Variants in SPATC1 observed in about 807,000 individuals in gnomAD.
SPATC1 encodes speriolin.
A neutral mutation model predicts 36.5 loss-of-function variants in SPATC1; 35 were observed. That is an observed-to-expected ratio of 0.96 (90% CI 0.73 to 1.27). SPATC1 has a LOEUF of 1.27. Among genes scored for constraint, SPATC1 ranks in the 50% most tolerant of loss-of-function variants. SPATC1 has a pLI of 0.00. For synonymous variants in SPATC1, 361 were observed against 353.6 expected, an observed-to-expected ratio of 1.02 and a Z score of -0.24; for missense variants, 779 against 796.0, an observed-to-expected ratio of 0.98 and a Z score of 0.26.
At chr8:144,044,926 G>A (rs1330468374) in intron 4 of SPATC1, among the ~76,000 whole-genome samples, 1 of 152,200 alleles carries the variant, frequency 6.6e-6, no homozygotes, top group Non-Finnish European at 1.5e-5. Context: ...TCCACCCTGG[G>A]CAACACAGCG....
chr8:144,014,705 G>C (rs1834348074), intron 1 of SPATC1, among the ~76,000 whole-genome samples: 1 of 152,200 alleles, frequency 6.6e-6, no homozygotes, highest in Non-Finnish European at 1.5e-5. Context: ...AAGGGGAAAG[G>C]AGCGTGCCAC....
At chr8:144,033,066 A>C (rs1468080500) in intron 1 of SPATC1, among the ~76,000 whole-genome samples, 1 of 131,018 alleles carries the variant, frequency 7.6e-6, no homozygotes, top group African/African-American at 3.4e-5. Flanking sequence ...GTTTTCAACA[A>C]ACAGCAAAAA....
At chr8:144,039,002 C>G (rs1554755245) in intron 1 of SPATC1, among the ~76,000 whole-genome samples, 1 of 152,206 alleles carries the variant, frequency 6.6e-6, no homozygotes, top group African/African-American at 2.4e-5. Context: ...CAACACGCAG[C>G]TCCTCAATAG....
At chr8:144,032,798 G>T (rs1281275317) in intron 1 of SPATC1, among the ~76,000 whole-genome samples, 1 of 152,054 alleles carries the variant, frequency 6.6e-6, no homozygotes. Flanking sequence ...AAGGCAGACC[G>T]CCAACCTTAT....
At chr8:144,023,034 C>CAGG (rs1587496502) in intron 1 of SPATC1, among the ~76,000 whole-genome samples, 25,751 of 125,986 alleles carry the variant, frequency 0.2, 2,849 homozygotes, top group South Asian at 0.37. Context: ...TGAGGAACCT[C>CAGG]GTCCCTCAGG....
chr8:144,022,786 C>T (rs1834565715), intron 1 of SPATC1, among the ~76,000 whole-genome samples: 1 of 145,320 alleles, frequency 6.9e-6, no homozygotes. Context: ...TCCCTGAGGA[C>T]CCACTTCTCT....
At chr8:144,015,226 T>C (rs1482188417) in intron 1 of SPATC1, among the ~76,000 whole-genome samples, 1 of 150,292 alleles carries the variant, frequency 6.7e-6, no homozygotes, top group Non-Finnish European at 1.5e-5. Flanking sequence ...TTTTGGTGTA[T>C]TTTTAGTAGA....
intron 1 of SPATC1, among the ~76,000 whole-genome samples, chr8:144,039,316 G>T (rs1834996516): frequency 6.6e-6 from 1 of 152,232 alleles, no homozygotes; most frequent in Admixed American, 6.5e-5. Context: ...GGACCAGGGT[G>T]TGTGACCAGC....
chr8:144,029,519 A>G (rs1354954875), intron 1 of SPATC1, among the ~76,000 whole-genome samples: 1 of 152,144 alleles, frequency 6.6e-6, no homozygotes, highest in Non-Finnish European at 1.5e-5. Flanking sequence ...GTGAGGCGAG[A>G]GCGCACCACT....
intron 1 of SPATC1, 164 bp downstream of exon 1, chr8:144,012,890 TGGA>T: frequency 1.3e-6 from 1 of 756,538 alleles, no homozygotes; most frequent in Non-Finnish European, 2.1e-6. Context: ...CTTCCTGTCC[TGGA>T]GGAGGCTGCA....
chr8:144,027,294 G>A (rs1449498584), intron 1 of SPATC1, among the ~76,000 whole-genome samples: 2 of 152,014 alleles, frequency 1.3e-5, no homozygotes, highest in African/African-American at 4.8e-5. Context: ...TTTTAAATTG[G>A]GCTGTCTTCT....
chr8:144,029,518 G>C (rs1834753920), intron 1 of SPATC1, among the ~76,000 whole-genome samples: 1 of 152,200 alleles, frequency 6.6e-6, no homozygotes, highest in African/African-American at 2.4e-5. Flanking sequence ...AGTGAGGCGA[G>C]AGCGCACCAC....
At chr8:144,041,136 T>G in intron 3 of SPATC1, 29 bp downstream of exon 3, 1 of 1,581,364 alleles carries the variant, frequency 6.3e-7, no homozygotes, top group Non-Finnish European at 8.6e-7. Flanking sequence ...TCCACGCGGG[T>G]CGGGCCCCCA....
Position 144,016,064 on chromosome 8 carries a change from CAAAAAAAAA to C in SPATC1, c.211+3344_211+3352del, listed in dbSNP as rs574460237. Among the ~76,000 whole-genome samples, 32 of 78,444 alleles carry C rather than the reference CAAAAAAAAA, an allele frequency of 4.1e-4. No individual in the cohort carries two copies. The highest frequency in any genetic ancestry group is 5.0e-4 in the Non-Finnish European group (18 of 36,142). The allele number at this position is 78,444 out of a possible 152,430, so 51.5% of individuals were successfully genotyped here. On this transcript the variant is annotated intron_variant, in intron 1 of 4. Coordinates refer to ENST00000377470, the MANE Select transcript of SPATC1 (RefSeq NM_198572.3). This position sits in a 1 kb window ranked among gnomAD's most constrained non-coding sequence, Gnocchi z 4.5. ...GCTGGAGACTTTTGAGACTCTGTCT[CAAAAAAAAA>C]AAAAAGAAAAAAGAAAGAAAGAAAG... is the stretch of plus-strand genomic sequence containing the variant.
chr8:144,033,071 CAAA>C (rs1305550907), intron 1 of SPATC1, among the ~76,000 whole-genome samples: 12 of 128,390 alleles, frequency 9.3e-5, no homozygotes, highest in Admixed American at 1.7e-4. Context: ...CAACAAACAG[CAAA>C]AAAAAAAAAA....
At position 144,045,277 on chromosome 8, in the gene SPATC1, C is replaced by T. The variant is rs1554756618; in HGVS notation, c.1447-1350C>T. 6.6e-6 allele frequency among the ~76,000 whole-genome samples: 1 copy of T among 152,246 alleles called. No individual in the cohort carries two copies. The highest frequency in any genetic ancestry group is 2.4e-5 in the African/African-American group (1 of 41,460). On this transcript the variant is annotated intron_variant, in intron 4 of 4. Coordinates refer to ENST00000377470, the MANE Select transcript of SPATC1 (RefSeq NM_198572.3). This position sits in a 1 kb window ranked among gnomAD's most constrained non-coding sequence, Gnocchi z 5.2. ...AGAAGGCTCAGGAGCCAAGAACCTC[C>T]AGCTGGGGAGAGACAGGCGCATCCC...
intron 4 of SPATC1, among the ~76,000 whole-genome samples, chr8:144,042,673 C>T (rs1835148476): frequency 6.6e-6 from 1 of 152,002 alleles, no homozygotes; most frequent in Non-Finnish European, 1.5e-5. Context: ...TGTCTTGAAA[C>T]CAAGTTTAGA....
At chr8:144,037,805 A>C (rs1834946719) in intron 1 of SPATC1, among the ~76,000 whole-genome samples, 1 of 151,848 alleles carries the variant, frequency 6.6e-6, no homozygotes. Flanking sequence ...ATGATCAATA[A>C]AAATAAATAG....
In SPATC1 at chr8:144,042,284, A is replaced by AATATAT. The variant is rs1554756220; in HGVS notation, c.1446+936_1446+941dup. On this transcript the variant is annotated intron_variant, in intron 4 of 4. Transcript: ENST00000377470. ...CAGGTTTACGCCACCACGCCCAGCT[A>AATATAT]ATATATATATATATATATATATATA... 6.6e-3 allele frequency among the ~76,000 whole-genome samples: 240 copies of AATATAT among 36,276 alleles called. 5 individuals are homozygous for AATATAT. Among genetic ancestry groups the AATATAT allele is most frequent in the African/African-American group, 0.016 (100 of 6,204 alleles). The allele number at this position is 36,276 out of a possible 152,430, so 23.8% of individuals were successfully genotyped here. A position where few individuals can be genotyped will look rare whatever the true frequency, so the allele number is the denominator to read the frequency against.
Sources: gnomAD v4.1 joint callset for allele counts (sites outside exome capture counted in the v4.1 genomes callset) on GRCh38, gnomAD v4.1.1 for gene constraint, Gnocchi (gnomAD v3.1) non-coding constraint, MANE v1.5 for transcripts, NCBI Gene and HGNC (gene_info 2026-07-23, HGNC 2026-07-21) for gene names.